EXT1: variants seen among roughly 807,000 people sequenced by gnomAD.
The protein encoded by EXT1 is exostosin glycosyltransferase 1, also known as exostosin-1.
Under a neutral mutation model 82.5 loss-of-function variants are expected in EXT1, and 20 were observed. The ratio of observed to expected loss-of-function variants is 0.24; its 90% CI spans 0.17 to 0.35. EXT1 has a LOEUF of 0.35. Ranked by LOEUF, EXT1 falls within the 10% of genes least tolerant of loss-of-function variation. EXT1 has a pLI of 1.00. For missense variants in EXT1, 757 were observed against 936.5 expected (o/e 0.81, Z 2.50); for synonymous variants, 348 against 350.8 (o/e 0.99, Z 0.09).
chr8:117,926,713 C>G (rs904273401), intron 1 of EXT1, among the ~76,000 whole-genome samples: 2 of 152,186 alleles, frequency 1.3e-5, no homozygotes, highest in African/African-American at 4.8e-5. Flanking sequence ...AGAAGGCAGA[C>G]AGTTCAACTC....
intron 1 of EXT1, among the ~76,000 whole-genome samples, chr8:117,838,212 T>C (rs2129794265): frequency 6.6e-6 from 1 of 152,308 alleles, no homozygotes; most frequent in Non-Finnish European, 1.5e-5. Flanking sequence ...TTTCAAGAGC[T>C]TCCAATGCTG....
intron 1 of EXT1, among the ~76,000 whole-genome samples, chr8:117,959,468 C>A (rs1273399522): frequency 2.0e-5 from 3 of 152,206 alleles, no homozygotes; most frequent in African/African-American, 7.2e-5. Context: ...GGGAAGCATA[C>A]CACTAAGGAA....
chr8:117,856,856 G>T (rs1812571099), intron 1 of EXT1, among the ~76,000 whole-genome samples: 1 of 152,138 alleles, frequency 6.6e-6, no homozygotes, highest in Non-Finnish European at 1.5e-5. Context: ...ATCAATGACT[G>T]GTGTAAAGGT....
chr8:118,111,128 G>T lies in EXT1; in HGVS notation c.-82C>A. Reference sequence around the variant, plus strand: ...CAATCAACACTTTCAGCTCCAGTCCGCCATCTTCCCGCCTGTAAAGACTTC... The same window carrying T: ...CAATCAACACTTTCAGCTCCAGTCCTCCATCTTCCCGCCTGTAAAGACTTC... On this transcript the variant is annotated 5_prime_UTR_variant, in exon 1 of 11. Transcript: ENST00000378204. 2 of 1,526,068 alleles carry T rather than the reference G, an allele frequency of 1.3e-6. No homozygotes were observed. Among genetic ancestry groups the T allele is most frequent in the Non-Finnish European group, 8.8e-7 (1 of 1,138,814 alleles). 94.5% of individuals were successfully genotyped at this position (1,526,068 alleles called of 1,614,324 possible).
At chr8:118,063,016 G>A (rs1816907329) in intron 1 of EXT1, among the ~76,000 whole-genome samples, 4 of 152,116 alleles carry the variant, frequency 2.6e-5, no homozygotes, top group African/African-American at 9.7e-5. Context: ...AGGAGAAAAT[G>A]TCTCATTTCT....
chr8:117,814,521 A>C (rs1185526032), intron 7 of EXT1, among the ~76,000 whole-genome samples: 1 of 152,174 alleles, frequency 6.6e-6, no homozygotes, highest in African/African-American at 2.4e-5. Context: ...ACACAGGTTA[A>C]GTATCTTGCC....
At chr8:117,968,306 T>C (rs1814863935) in intron 1 of EXT1, among the ~76,000 whole-genome samples, 1 of 151,962 alleles carries the variant, frequency 6.6e-6, no homozygotes, top group Non-Finnish European at 1.5e-5. Context: ...TTTTGAAATT[T>C]TAAAGGTCTC....
chr8:118,024,612 C>T (rs1004506898), intron 1 of EXT1, among the ~76,000 whole-genome samples: 1 of 151,940 alleles, frequency 6.6e-6, no homozygotes, highest in Non-Finnish European at 1.5e-5. Context: ...AATAATCACA[C>T]AAATATGGAA....
At chr8:117,833,058 G>T (rs1400595255) in intron 3 of EXT1, among the ~76,000 whole-genome samples, 2 of 152,118 alleles carry the variant, frequency 1.3e-5, no homozygotes, top group African/African-American at 4.8e-5. Flanking sequence ...TCTAAAACAG[G>T]AAATAAAAAA....
At chr8:117,863,412 T>TC in intron 1 of EXT1, among the ~76,000 whole-genome samples, 1 of 580 alleles carries the variant, frequency 1.7e-3, no homozygotes, top group South Asian at 0.071. Context: ...TAAGTCTAGG[T>TC]TTTTTTTTTT....
chr8:118,110,078 C>G lies in EXT1; in HGVS notation c.962+7G>C, dbSNP rs778490814. The stretch of plus-strand genomic sequence containing the variant: ...ACTCCCAAAGACACGCCAGCCCAGA[C>G]ACTTACTTCTCATACTCGGTGTTGT... On this transcript the variant is annotated splice_region_variant and intron_variant, in intron 1 of 10. Transcript: ENST00000378204. The G allele has an allele frequency of 1.0e-5, 16 of 1,607,840 alleles. No individual in the cohort carries two copies. The highest frequency in any genetic ancestry group is 1.4e-5 in the Non-Finnish European group (16 of 1,180,004).
At chr8:117,833,203 G>C (rs1812130430) in intron 3 of EXT1, among the ~76,000 whole-genome samples, 1 of 152,144 alleles carries the variant, frequency 6.6e-6, no homozygotes, top group Non-Finnish European at 1.5e-5. Flanking sequence ...CTGAATATGA[G>C]AGGGGAAAAA....
At chr8:117,849,708 T>G (rs1812422989) in intron 1 of EXT1, among the ~76,000 whole-genome samples, 2 of 152,214 alleles carry the variant, frequency 1.3e-5, no homozygotes, top group Admixed American at 1.3e-4. Context: ...GATGTTTATG[T>G]AAAGTGATAC....
chr8:117,980,539 A>T (rs1296204269), intron 1 of EXT1, among the ~76,000 whole-genome samples: 1 of 152,146 alleles, frequency 6.6e-6, no homozygotes, highest in African/African-American at 2.4e-5. Flanking sequence ...CCTGTTTTTC[A>T]ACGTTGGGCT....
intron 6 of EXT1, 50 bp from the exon 7 acceptor site, chr8:117,818,580 A>G: frequency 7.0e-7 from 1 of 1,430,966 alleles, no homozygotes; most frequent in Non-Finnish European, 9.9e-7. Context: ...GTATTTATGT[A>G]TGCCTCCAAC....
At chr8:118,052,904 T>C (rs1230862042) in intron 1 of EXT1, among the ~76,000 whole-genome samples, 1 of 152,180 alleles carries the variant, frequency 6.6e-6, no homozygotes, top group Non-Finnish European at 1.5e-5. Context: ...GCTTGGAATG[T>C]GAAGAATTTA....
At chr8:118,033,293 G>T (rs1373701658) in intron 1 of EXT1, among the ~76,000 whole-genome samples, 1 of 152,120 alleles carries the variant, frequency 6.6e-6, no homozygotes, top group Non-Finnish European at 1.5e-5. Flanking sequence ...TGTTAAAACG[G>T]TGTTGGTAAT....
At chr8:118,076,876 A>T (rs1817222195) in intron 1 of EXT1, among the ~76,000 whole-genome samples, 1 of 149,736 alleles carries the variant, frequency 6.7e-6, no homozygotes, top group Non-Finnish European at 1.5e-5. Flanking sequence ...ATGAGCAAAT[A>T]AAAATAGAGT....
At chr8:118,023,436 T>C (rs1465763047) in intron 1 of EXT1, among the ~76,000 whole-genome samples, 1 of 152,208 alleles carries the variant, frequency 6.6e-6, no homozygotes, top group Non-Finnish European at 1.5e-5. Flanking sequence ...AAGAAAGCTG[T>C]CAGCAGAAGG....
Sources: gnomAD v4.1 joint callset for allele counts (sites outside exome capture counted in the v4.1 genomes callset) on GRCh38, gnomAD v4.1.1 for gene constraint, MANE v1.5 for transcripts, NCBI Gene and HGNC (gene_info 2026-07-23, HGNC 2026-07-21) for gene names.